ARK2C: variants seen among roughly 807,000 people sequenced by gnomAD.
The protein encoded by ARK2C is E3 ubiquitin-protein ligase ARK2C.
chr18:46,407,043 C>T, the ARK2C span, among the ~76,000 whole-genome samples: 6 of 152,182 alleles, frequency 3.9e-5, no homozygotes, highest in East Asian at 1.9e-4. Flanking sequence ...TTCTTGAACT[C>T]GACTTTTGCC....
At chr18:46,438,992 G>A in the ARK2C span, among the ~76,000 whole-genome samples, 50 of 152,352 alleles carry the variant, frequency 3.3e-4, no homozygotes, top group African/African-American at 1.1e-3. Context: ...TTGGGACAAG[G>A]ACCTGGGTCT....
At chr18:46,388,939 C>G in the ARK2C span, among the ~76,000 whole-genome samples, 1 of 152,102 alleles carries the variant, frequency 6.6e-6, no homozygotes, top group African/African-American at 2.4e-5. Context: ...CCATGAAGCT[C>G]ATGTACTTAA....
At chr18:46,363,372 G>A in the ARK2C span, among the ~76,000 whole-genome samples, 1 of 152,182 alleles carries the variant, frequency 6.6e-6, no homozygotes, top group Admixed American at 6.5e-5. Context: ...ATATCGAAAG[G>A]AACACACCAC....
chr18:46,399,801 C>T, the ARK2C span, among the ~76,000 whole-genome samples: 3 of 152,232 alleles, frequency 2.0e-5, no homozygotes, highest in African/African-American at 7.2e-5. Context: ...TCCTCCTCCC[C>T]TCACCAGGCC....
chr18:46,432,203 G>C, the ARK2C span, among the ~76,000 whole-genome samples: 1 of 152,180 alleles, frequency 6.6e-6, no homozygotes, highest in Non-Finnish European at 1.5e-5. Context: ...TTTTTGCTTA[G>C]AGAGAATTTG....
the ARK2C span, chr18:46,456,493 C>A: frequency 6.4e-7 from 1 of 1,560,316 alleles, no homozygotes; most frequent in Non-Finnish European, 8.8e-7. Context: ...CTTGCCGGGC[C>A]TCTGACTCTC....
the ARK2C span, among the ~76,000 whole-genome samples, chr18:46,366,357 C>T: frequency 4.8e-4 from 73 of 151,210 alleles, no homozygotes; most frequent in Non-Finnish European, 9.1e-4. Flanking sequence ...AGGCCTAAGC[C>T]CTCTGGCAGA....
the ARK2C span, among the ~76,000 whole-genome samples, chr18:46,397,134 G>A: frequency 1.3e-5 from 2 of 152,214 alleles, no homozygotes; most frequent in Non-Finnish European, 2.9e-5. Context: ...GGAGGGCCCT[G>A]CCGGAGGCGT....
chr18:46,408,416 G>A, the ARK2C span, among the ~76,000 whole-genome samples: 2 of 152,234 alleles, frequency 1.3e-5, no homozygotes, highest in Admixed American at 1.3e-4. Flanking sequence ...ACGCACCTGC[G>A]ATGACAATCT....
the ARK2C span, chr18:46,336,176 A>G: frequency 1.0e-6 from 1 of 985,320 alleles, no homozygotes; most frequent in Non-Finnish European, 1.2e-6. Context: ...CGGGTGTGGA[A>G]CATTACACTA....
At chr18:46,362,988 C>A in the ARK2C span, among the ~76,000 whole-genome samples, 2 of 152,220 alleles carry the variant, frequency 1.3e-5, no homozygotes, top group Non-Finnish European at 2.9e-5. Context: ...TCCACGCCCA[C>A]AGAAAAAGTG....
chr18:46,353,970 C>A, the ARK2C span, among the ~76,000 whole-genome samples: 3 of 152,084 alleles, frequency 2.0e-5, no homozygotes, highest in Non-Finnish European at 4.4e-5. Context: ...TTAGCTCACC[C>A]CCTCATTTTA....
At chr18:46,409,457 A>G in the ARK2C span, among the ~76,000 whole-genome samples, 1 of 152,168 alleles carries the variant, frequency 6.6e-6, no homozygotes, top group Non-Finnish European at 1.5e-5. Flanking sequence ...GGCAGGAGGA[A>G]ATGAAGTGAA....
chr18:46,410,691 A>G, the ARK2C span, among the ~76,000 whole-genome samples: 1 of 152,212 alleles, frequency 6.6e-6, no homozygotes, highest in Non-Finnish European at 1.5e-5. Flanking sequence ...CCTGACAAAC[A>G]AACAAGTGGA....
chr18:46,369,885 C>T, the ARK2C span, among the ~76,000 whole-genome samples: 1 of 152,190 alleles, frequency 6.6e-6, no homozygotes, highest in Non-Finnish European at 1.5e-5. Context: ...TTGGGCCCAT[C>T]TGCTATAAAT....
At chr18:46,408,874 G>A in the ARK2C span, among the ~76,000 whole-genome samples, 3 of 152,200 alleles carry the variant, frequency 2.0e-5, no homozygotes, top group African/African-American at 7.2e-5. Context: ...TCTGTTTTCT[G>A]AGTCATCACA....
the ARK2C span, chr18:46,336,862 A>G: frequency 1.0e-6 from 1 of 985,400 alleles, no homozygotes; most frequent in Non-Finnish European, 1.2e-6. Flanking sequence ...AGTTGGAGGC[A>G]AAAAATGTTA....
At chr18:46,348,900 CTGTGTGTGTGTGTGTG>C in the ARK2C span, among the ~76,000 whole-genome samples, 67 of 144,694 alleles carry the variant, frequency 4.6e-4, no homozygotes, top group African/African-American at 1.5e-3. Context: ...CTCTCTCTTT[CTGTGTGTGTGTGTGTG>C]TGTGTGTGTG....
the ARK2C span, among the ~76,000 whole-genome samples, chr18:46,446,437 G>A: frequency 3.4e-3 from 514 of 152,084 alleles, 2 homozygotes; most frequent in African/African-American, 0.012. Context: ...TTGGGATACC[G>A]AGGTGGGTGG....
Sources: allele counts gnomAD v4.1 joint callset (sites outside exome capture counted in the v4.1 genomes callset), GRCh38; gene constraint gnomAD v4.1.1; transcripts MANE v1.5; gene names NCBI Gene and HGNC (gene_info 2026-07-23, HGNC 2026-07-21).